ADAR: variants seen among roughly 807,000 people sequenced by gnomAD.
ADAR encodes the protein adenosine deaminase RNA specific.
Under a neutral mutation model 113.2 loss-of-function variants are expected in ADAR, and 41 were observed. The observed-to-expected ratio is 0.36, with a 90% CI of 0.28 to 0.47. The LOEUF (loss-of-function observed/expected upper bound fraction) is 0.47, where lower values mean the gene tolerates loss of function less well. ADAR is among the 20% of genes least tolerant of loss of function. The pLI is 1.00. For synonymous variants in ADAR, 605 were observed against 572.6 expected (o/e 1.06, Z -0.81); for missense variants, 1,242 against 1,540.9 (o/e 0.81, Z 3.25).
chr1:154,598,257 G>T, intron 3 of ADAR, 145 bp downstream of exon 3: 1 of 916,702 alleles, frequency 1.1e-6, no homozygotes, highest in Non-Finnish European at 1.8e-6. Context: ...GGAAAGGTGG[G>T]CTGGCGAGAT....
At chr1:154,604,564 T>C (rs1395681154) in intron 1 of ADAR, among the ~76,000 whole-genome samples, 1 of 152,214 alleles carries the variant, frequency 6.6e-6, no homozygotes, top group Admixed American at 6.5e-5. Context: ...GTCAATTGTG[T>C]TTAACAAACA....
rs767865130 is a variant in ADAR at position 154,601,978 on chromosome 1, T to C, written c.664A>G (p.Asn222Asp). Reference protein sequence around the residue: ...RPDGHSQGAPNSDPSLEPEDR... With the variant: ...RPDGHSQGAPDSDPSLEPEDR... Reference sequence around the variant, plus strand: ...TCCGGTTCCAAACTCGGGTCTGAGTTTGGGGCTCCTTGGCTATGACCGTCT... The same window carrying C: ...TCCGGTTCCAAACTCGGGTCTGAGTCTGGGGCTCCTTGGCTATGACCGTCT... Residue 222 changes from asparagine (N) to aspartate (D), a missense_variant, in exon 2 of 15, where the codon AAC becomes GAC. Asn to Asp is a conservative substitution (Grantham distance 23). Transcript: ENST00000368474. This position sits in a 1 kb window ranked among gnomAD's most constrained non-coding sequence, Gnocchi z 4.7. 5 of 1,614,040 alleles carry C rather than the reference T, an allele frequency of 3.1e-6. No homozygotes were observed. The highest frequency in any genetic ancestry group is 1.6e-4 in the Middle Eastern group (1 of 6,084).
At chr1:154,621,480 C>T (rs560401797) in intron 1 of ADAR, among the ~76,000 whole-genome samples, 3 of 152,022 alleles carry the variant, frequency 2.0e-5, no homozygotes, top group African/African-American at 7.2e-5. Context: ...TGCTTTTTAC[C>T]ATGAGGATAA....
rs1481218483 is a variant in ADAR, at chr1:154,583,972, G to A, written c.*834C>T. ...TAGGAGAAGAGGCAGCTGGAAGCTT[G>A]GCAATATTCCAAGGCATGCCCGTGC... On this transcript the variant is annotated 3_prime_UTR_variant, in exon 15 of 15. Coordinates refer to ENST00000368474, the MANE Select transcript of ADAR (RefSeq NM_001111.5). The A allele has an allele frequency of 1.3e-5, 2 of 152,246 alleles. No individual in the cohort carries two copies. The highest frequency in any genetic ancestry group is 2.1e-4 in the South Asian group (1 of 4,836). 9.4% of individuals were successfully genotyped at this position (152,246 alleles called of 1,614,324 possible).
intron 9 of ADAR, among the ~76,000 whole-genome samples, chr1:154,588,887 G>A (rs936599805): frequency 2.0e-5 from 3 of 152,192 alleles, no homozygotes; most frequent in African/African-American, 4.8e-5. Flanking sequence ...AGGGCTCCTC[G>A]CTATGGCGGC....
At position 154,590,107 on chromosome 1, in the gene ADAR, C is replaced by T. The variant is rs542879407; in HGVS notation, c.2496+77G>A. On this transcript the variant is annotated intron_variant, in intron 7 of 14. Coordinates refer to ENST00000368474, the MANE Select transcript of ADAR (RefSeq NM_001111.5). ...TAAAGCCTAGGAATAACTCGCATGA[C>T]AGCAAGAGCCACCTCCACTTAGGAG... 7.3e-6 allele frequency: 11 copies of T among 1,509,666 alleles called. No homozygotes were observed. The East Asian group carries it at 2.5e-4, about 34-fold the overall frequency. 93.5% of individuals were successfully genotyped at this position (1,509,666 alleles called of 1,614,324 possible).
At position 154,602,166 on chromosome 1, in the gene ADAR, TGTGCTGTG is replaced by T; in HGVS notation, c.468_475del (p.Thr157Ter). On this transcript the variant is annotated frameshift_variant, in exon 2 of 15. Transcript: ENST00000368474. LOFTEE classifies it high-confidence loss of function. Reference sequence around the variant, plus strand: ...AGTCCCAAGTTTCCCAGACAGATCATGTGCTGTGGTGGCCTTCCCTTCCCCAAGCTCTT... The same window carrying T: ...AGTCCCAAGTTTCCCAGACAGATCATGTGGCCTTCCCTTCCCCAAGCTCTT... The T allele has an allele frequency of 6.2e-7, 1 of 1,614,228 alleles. No homozygotes were observed. The highest frequency in any genetic ancestry group is 8.5e-7 in the Non-Finnish European group (1 of 1,180,034).
In ADAR at chr1:154,602,607, T is replaced by G. The variant is rs1475258937; in HGVS notation, c.35A>C (p.Tyr12Ser). The G allele has an allele frequency of 6.2e-7, 1 of 1,614,056 alleles. No individual in the cohort carries two copies. The change falls in exon 2 of 15, where the codon TAC (tyrosine) becomes TCC (serine). Residue 12 changes from tyrosine (Y) to serine (S), a missense_variant. Transcript: ENST00000368474. ...NPRQGYSLSG[Y>S]YTHPFQGYEH... ...ATAGCCTTGAAATGGATGGGTGTAG[T>G]ATCCGCTGAGGGAATACCCCTGCAG...
At chr1:154,588,414 C>T in intron 10 of ADAR, 137 bp downstream of exon 10, 2 of 1,494,776 alleles carry the variant, frequency 1.3e-6, no homozygotes, top group Non-Finnish European at 1.8e-6. Flanking sequence ...TCATCTACAC[C>T]TGAATATGGA....
At chr1:154,598,893 C>G (rs954783536) in intron 2 of ADAR, among the ~76,000 whole-genome samples, 1 of 152,214 alleles carries the variant, frequency 6.6e-6, no homozygotes, top group Non-Finnish European at 1.5e-5. Flanking sequence ...CCCACACACA[C>G]AAAAATGATG....
intron 9 of ADAR, 79 bp downstream of exon 9, chr1:154,589,290 C>T: frequency 1.8e-6 from 2 of 1,113,530 alleles, no homozygotes; most frequent in South Asian, 2.5e-5. Flanking sequence ...GATTCAGAGG[C>T]CGTGTCAGAG....
At chr1:154,590,143 C>CT (rs757630355) in intron 7 of ADAR, 41 bp downstream of exon 7, 7 of 1,034,428 alleles carry the variant, frequency 6.8e-6, no homozygotes, top group Non-Finnish European at 1.0e-5. Flanking sequence ...TTAGGAGGAC[C>CT]CCCCCGCCCC....
chr1:154,596,132 C>CGCAT (rs1557877982), intron 6 of ADAR, among the ~76,000 whole-genome samples: 1 of 152,178 alleles, frequency 6.6e-6, no homozygotes, highest in East Asian at 1.9e-4. Context: ...CTTCTCAGAC[C>CGCAT]GCATCCCAGT....
At chr1:154,610,420 A>T (rs6699729), upstream of ADAR, among the ~76,000 whole-genome samples, 62,695 of 152,024 alleles carry the variant, frequency 0.41, 13,844 homozygotes, top group East Asian at 0.54. Context: ...TTATCTAAAT[A>T]TGATACTGAG....
chr1:154,622,097 G>A (rs1698804461), intron 1 of ADAR, among the ~76,000 whole-genome samples: 1 of 152,152 alleles, frequency 6.6e-6, no homozygotes, highest in African/African-American at 2.4e-5. Flanking sequence ...GGAGAGGGCT[G>A]AAGACAGATG....
upstream of ADAR, among the ~76,000 whole-genome samples, chr1:154,610,812 AAAAAAAAAAAAG>A (rs1291825316): frequency 1.0e-3 from 64 of 61,278 alleles, 2 homozygotes; most frequent in Middle Eastern, 5.5e-3. Context: ...CCGTCTCAAA[AAAAAAAAAAAAG>A]AAAAAAAAAA....
upstream of ADAR, among the ~76,000 whole-genome samples, chr1:154,609,795 T>C (rs1021667521): frequency 3.3e-5 from 5 of 152,196 alleles, no homozygotes; most frequent in African/African-American, 1.2e-4. Context: ...GCACCCAGGA[T>C]ATGACACAAA....
At chr1:154,625,671 C>T (rs1409298136) in intron 1 of ADAR, among the ~76,000 whole-genome samples, 2 of 152,050 alleles carry the variant, frequency 1.3e-5, no homozygotes, top group Non-Finnish European at 2.9e-5. Context: ...CCAGCCTGGC[C>T]AACATGGTGA....
upstream of ADAR, chr1:154,608,322 G>A (rs545542017): frequency 2.8e-5 from 12 of 431,120 alleles, no homozygotes; most frequent in African/African-American, 2.1e-4. Flanking sequence ...GAGAACTACG[G>A]AAGGTACTTT....
Sources: gnomAD v4.1 joint callset for allele counts (sites outside exome capture counted in the v4.1 genomes callset) on GRCh38, gnomAD v4.1.1 for gene constraint, Gnocchi (gnomAD v3.1) non-coding constraint, MANE v1.5 for transcripts, NCBI Gene and HGNC (gene_info 2026-07-23, HGNC 2026-07-21) for gene names.